SLCO2B1: variants seen among roughly 807,000 people sequenced by gnomAD.
SLCO2B1 encodes the protein solute carrier organic anion transporter family member 2B1, also known as OATP-RP2.
SLCO2B1 carries 41 observed loss-of-function variants against 67.3 expected under a neutral mutation model. The observed-to-expected ratio is 0.61, with a 90% CI of 0.47 to 0.79. The LOEUF (loss-of-function observed/expected upper bound fraction) is 0.79. Ranked by LOEUF, SLCO2B1 falls within the 30% of genes least tolerant of loss-of-function variation. SLCO2B1 has a pLI of 0.00. For missense variants in SLCO2B1, 837 were observed against 920.1 expected (o/e 0.91, Z 1.17); for synonymous variants, 379 against 381.4 (o/e 0.99, Z 0.07).
At chr11:75,155,421 C>G (rs1340819892) in intron 1 of SLCO2B1, among the ~76,000 whole-genome samples, 1 of 151,998 alleles carries the variant, frequency 6.6e-6, no homozygotes, top group East Asian at 1.9e-4. Flanking sequence ...GTGCTCCAGC[C>G]TTCTCTTCCC....
At chr11:75,200,114 C>T (rs1193876399) in intron 10 of SLCO2B1, 110 bp from the exon 11 acceptor site, 2 of 1,180,684 alleles carry the variant, frequency 1.7e-6, no homozygotes, top group African/African-American at 1.5e-5. Flanking sequence ...AGCTCTACCC[C>T]AACTGGCTGT....
intron 1 of SLCO2B1, chr11:75,151,877 G>A: frequency 6.1e-6 from 1 of 164,360 alleles, no homozygotes; most frequent in Non-Finnish European, 1.3e-5. Context: ...CAAACCGGGA[G>A]AGAGGGCTGC....
intron 7 of SLCO2B1, 115 bp downstream of exon 7, chr11:75,172,684 C>G: frequency 2.2e-6 from 2 of 917,856 alleles, no homozygotes; most frequent in Non-Finnish European, 3.3e-6. Flanking sequence ...AGTTCCAGCA[C>G]TTTGGGAGGC....
intron 7 of SLCO2B1, among the ~76,000 whole-genome samples, chr11:75,184,078 C>T (rs1159768549): frequency 2.0e-5 from 3 of 152,200 alleles, no homozygotes; most frequent in African/African-American, 7.2e-5. Context: ...TTGCCTGTCT[C>T]GGAACCATCA....
At chr11:75,163,459 G>C (rs1357327598) in intron 2 of SLCO2B1, among the ~76,000 whole-genome samples, 1 of 152,104 alleles carries the variant, frequency 6.6e-6, no homozygotes, top group Non-Finnish European at 1.5e-5. Context: ...GGACTAGTGG[G>C]GGTGGGATGG....
At chr11:75,171,994 C>T (rs1454676696) in intron 6 of SLCO2B1, among the ~76,000 whole-genome samples, 1 of 152,124 alleles carries the variant, frequency 6.6e-6, no homozygotes, top group Non-Finnish European at 1.5e-5. Flanking sequence ...ACATCTATTT[C>T]GTTAATTTTC....
intron 8 of SLCO2B1, among the ~76,000 whole-genome samples, chr11:75,191,241 C>T (rs1167870052): frequency 6.6e-6 from 1 of 152,088 alleles, no homozygotes; most frequent in African/African-American, 2.4e-5. Context: ...CTTGGGCGAG[C>T]CCCTGTCCCT....
intron 1 of SLCO2B1, among the ~76,000 whole-genome samples, chr11:75,160,645 C>G (rs1949807424): frequency 6.6e-6 from 1 of 152,208 alleles, no homozygotes. Flanking sequence ...GGCCAATTTC[C>G]CGTCTCCTCG....
At chr11:75,154,725 C>G (rs1487771933) in intron 1 of SLCO2B1, among the ~76,000 whole-genome samples, 1 of 152,238 alleles carries the variant, frequency 6.6e-6, no homozygotes, top group East Asian at 1.9e-4. Flanking sequence ...CCTGAGGGAG[C>G]TGGCTCTGCA....
chr11:75,164,687 T>C (rs1444924106), intron 3 of SLCO2B1, among the ~76,000 whole-genome samples: 2 of 152,132 alleles, frequency 1.3e-5, no homozygotes, highest in Non-Finnish European at 2.9e-5. Context: ...CTGAAGGAAG[T>C]TGTCTTTCTC....
intron 7 of SLCO2B1, among the ~76,000 whole-genome samples, chr11:75,186,752 C>T (rs1417130958): frequency 6.6e-6 from 1 of 152,216 alleles, no homozygotes; most frequent in African/African-American, 2.4e-5. Flanking sequence ...CACTTGTATT[C>T]AGATGACCCT....
chr11:75,176,238 C>T (rs1950021715), intron 7 of SLCO2B1, among the ~76,000 whole-genome samples: 1 of 152,180 alleles, frequency 6.6e-6, no homozygotes, highest in Non-Finnish European at 1.5e-5. Context: ...ATTCAGCCAG[C>T]AACTCTCCTG....
intron 9 of SLCO2B1, among the ~76,000 whole-genome samples, chr11:75,194,529 C>T (rs1591834480): frequency 6.6e-6 from 1 of 152,080 alleles, no homozygotes; most frequent in South Asian, 2.1e-4. Context: ...GTCCCACCCT[C>T]GCTGATCTCT....
In SLCO2B1 at chr11:75,196,777, C is replaced by G. The variant is rs61586428; in HGVS notation, c.1599+98C>G. 316 of 1,090,762 alleles carry G rather than the reference C, an allele frequency of 2.9e-4. 1 individual carries two copies. In the East Asian group the frequency reaches 5.4e-3, roughly 19 times the overall value. The allele number at this position is 1,090,762 out of a possible 1,614,324, so 67.6% of individuals were successfully genotyped here. ...CTCTCCACTTCTGCATGCTCTCACT[C>G]TGTAGCTCTCGTCTCTCTGTCTCTC... On this transcript the variant is annotated intron_variant, in intron 10 of 13. Transcript: ENST00000289575.
chr11:75,166,063 C>A, intron 4 of SLCO2B1, 114 bp downstream of exon 4: 1 of 1,282,820 alleles, frequency 7.8e-7, no homozygotes, highest in Non-Finnish European at 1.1e-6. Context: ...CCTCAACACC[C>A]CAGGACAGCT....
At chr11:75,160,713 A>G (rs1036606233) in intron 1 of SLCO2B1, among the ~76,000 whole-genome samples, 3 of 152,208 alleles carry the variant, frequency 2.0e-5, no homozygotes, top group Non-Finnish European at 2.9e-5. Context: ...TATGCCCCGC[A>G]GAGGGACTCC....
At chr11:75,169,494 G>T in intron 5 of SLCO2B1, 88 bp downstream of exon 5, 1 of 1,314,450 alleles carries the variant, frequency 7.6e-7, no homozygotes, top group Non-Finnish European at 1.0e-6. Context: ...GCTGGAGATG[G>T]AATCCCTGCC....
chr11:75,168,855 G>T (rs1444409484), intron 4 of SLCO2B1, among the ~76,000 whole-genome samples: 1 of 152,000 alleles, frequency 6.6e-6, no homozygotes, highest in Non-Finnish European at 1.5e-5. Context: ...TGACCACCCC[G>T]CCCCACCCAG....
intron 7 of SLCO2B1, among the ~76,000 whole-genome samples, chr11:75,177,171 C>T (rs375801320): frequency 8.0e-5 from 12 of 150,768 alleles, no homozygotes; most frequent in African/African-American, 2.7e-4. Context: ...GCCTTCCACC[C>T]CTCTACACAC....
Sources: gnomAD v4.1 joint callset for allele counts (sites outside exome capture counted in the v4.1 genomes callset) on GRCh38, gnomAD v4.1.1 for gene constraint, MANE v1.5 for transcripts, NCBI Gene and HGNC (gene_info 2026-07-23, HGNC 2026-07-21) for gene names.